The following PCDHA12 variants were observed in gnomAD, a reference collection of about 807,000 sequenced individuals.
PCDHA12 encodes protocadherin alpha 12.
PCDHA12 carries 44 observed loss-of-function variants against 60.0 expected under a neutral mutation model. The observed-to-expected ratio is 0.73, with a 90% CI of 0.58 to 0.94. PCDHA12 has a LOEUF of 0.94. PCDHA12 is among the 40% of genes least tolerant of loss of function. PCDHA12 has a pLI of 0.00. For missense variants in PCDHA12, 1,276 were observed against 1,239.7 expected, an observed-to-expected ratio of 1.03 and a Z score of -0.44; for synonymous variants, 569 against 553.0, an observed-to-expected ratio of 1.03 and a Z score of -0.40.
intron 1 of PCDHA12, among the ~76,000 whole-genome samples, chr5:140,941,284 TTCTCTTTC>T (rs1330714341): frequency 4.0e-5 from 5 of 124,574 alleles, no homozygotes; most frequent in African/African-American, 1.4e-4. Context: ...CTTCCTTCCT[TTCTCTTTC>T]TTTCTTTCTT....
At chr5:141,002,456 A>G (rs2098081347) in intron 3 of PCDHA12, among the ~76,000 whole-genome samples, 1 of 152,242 alleles carries the variant, frequency 6.6e-6, no homozygotes, top group Non-Finnish European at 1.5e-5. Context: ...GCACATTTGT[A>G]TAACGCTTTA....
chr5:140,875,616 C>A lies in PCDHA12; in HGVS notation c.144C>A (p.Ile48=), dbSNP rs2055654644. 2 of 1,613,748 alleles carry A rather than the reference C, an allele frequency of 1.2e-6. No homozygotes were observed. The highest frequency in any genetic ancestry group is 1.7e-5 in the Admixed American group (1 of 60,026). ...EAKHGTFVGR[I]AQDLGLELAE... is the part of the protein sequence containing the mutation. ...AACACGGCACCTTCGTGGGCCGCAT[C>A]GCTCAGGACCTGGGGCTGGAGCTGG... is the stretch of plus-strand genomic sequence containing the variant. The change falls in exon 1 of 4, where the codon ATC becomes ATA. Residue 48 remains isoleucine (I), a synonymous_variant. Transcript: ENST00000398631.
intron 1 of PCDHA12, among the ~76,000 whole-genome samples, chr5:140,913,656 T>A (rs2076420236): frequency 6.6e-6 from 1 of 152,152 alleles, no homozygotes; most frequent in African/African-American, 2.4e-5. Context: ...TTCTTTAAGA[T>A]GTATAGTTAG....
intron 3 of PCDHA12, among the ~76,000 whole-genome samples, chr5:140,997,793 T>G (rs2097785892): frequency 6.6e-6 from 1 of 152,112 alleles, no homozygotes; most frequent in Non-Finnish European, 1.5e-5. Context: ...ATATTATAAT[T>G]TATCCAATTT....
intron 1 of PCDHA12, chr5:140,927,348 C>T (rs2153588187): frequency 1.2e-6 from 2 of 1,613,982 alleles, no homozygotes; most frequent in South Asian, 1.1e-5. Flanking sequence ...AAGATGACGA[C>T]GAGGGAAGCA....
chr5:140,937,933 A>C (rs1452935525), intron 1 of PCDHA12, among the ~76,000 whole-genome samples: 1 of 151,854 alleles, frequency 6.6e-6, no homozygotes, highest in Non-Finnish European at 1.5e-5. Flanking sequence ...AAAAAGTTTA[A>C]TTTGATAATT....
chr5:140,891,694 T>A (rs1302084074), intron 1 of PCDHA12, among the ~76,000 whole-genome samples: 1 of 152,236 alleles, frequency 6.6e-6, no homozygotes, highest in East Asian at 1.9e-4. Flanking sequence ...TTCTTGCTGT[T>A]GTCTGAATTT....
chr5:140,983,308 T>C (rs2153831139), intron 3 of PCDHA12, among the ~76,000 whole-genome samples: 1 of 152,322 alleles, frequency 6.6e-6, no homozygotes, highest in East Asian at 1.9e-4. Context: ...CACATTTGCT[T>C]GGTATCCTTA....
intron 1 of PCDHA12, among the ~76,000 whole-genome samples, chr5:140,910,536 C>G (rs1554194300): frequency 1.3e-5 from 2 of 152,168 alleles, no homozygotes; most frequent in African/African-American, 4.8e-5. Flanking sequence ...CCTCACAAAT[C>G]TATTTTGCAA....
At chr5:140,967,086 G>C in intron 1 of PCDHA12, 3 of 1,613,210 alleles carry the variant, frequency 1.9e-6, no homozygotes, top group Non-Finnish European at 2.5e-6. Context: ...CGCATTGATC[G>C]GGAGGCGCTG....
At chr5:140,882,907 A>T (rs11744560) in intron 1 of PCDHA12, 226,049 of 1,614,134 alleles carry the variant, frequency 0.14, 16,618 homozygotes, top group Middle Eastern at 0.18. Context: ...TATTACTGAC[A>T]GCCAGTGATG....
intron 1 of PCDHA12, chr5:140,926,672 C>T (rs2083457109): frequency 1.7e-6 from 1 of 583,596 alleles, no homozygotes; most frequent in Admixed American, 3.9e-5. Flanking sequence ...GACGGCTGCC[C>T]AGCCTCCAGC....
At chr5:140,968,106 C>T (rs1554230344) in intron 1 of PCDHA12, 8 of 1,614,016 alleles carry the variant, frequency 5.0e-6, no homozygotes, top group East Asian at 2.2e-5. Flanking sequence ...GGGGGAATAC[C>T]GCAGCTCACA....
intron 1 of PCDHA12, among the ~76,000 whole-genome samples, chr5:140,907,844 C>T (rs1402744978): frequency 1.3e-5 from 2 of 152,218 alleles, no homozygotes; most frequent in African/African-American, 4.8e-5. Context: ...TATTAAAATC[C>T]TCCTCTGCTG....
chr5:140,875,401 G>T lies in PCDHA12; in HGVS notation c.-72G>T. 1 of 1,487,486 alleles carries T rather than the reference G, an allele frequency of 6.7e-7. No homozygotes were observed. Among genetic ancestry groups the T allele is most frequent in the Non-Finnish European group, 8.9e-7 (1 of 1,120,296 alleles). The allele number at this position is 1,487,486 out of a possible 1,614,324, so 92.1% of individuals were successfully genotyped here. The stretch of plus-strand genomic sequence containing the variant: ...TATGTACTTACAGAAAAGGGTGACT[G>T]CTCATAAAATACCTCAGGCAAGCGA... On this transcript the variant is annotated 5_prime_UTR_variant, in exon 1 of 4. Transcript: ENST00000398631.
intron 1 of PCDHA12, chr5:140,968,340 A>G: frequency 6.2e-7 from 1 of 1,614,136 alleles, no homozygotes; most frequent in African/African-American, 1.3e-5. Context: ...GTCTCCATTA[A>G]CAGTGCCAGT....
chr5:141,008,579 T>C (rs1554261820), intron 3 of PCDHA12, among the ~76,000 whole-genome samples: 1 of 152,232 alleles, frequency 6.6e-6, no homozygotes, highest in African/African-American at 2.4e-5. Flanking sequence ...TTCCCAAGAC[T>C]CAGGGCAGAT....
rs144442346 is a variant in PCDHA12 at position 140,929,817 on chromosome 5, G to A, written c.2368-49132G>A. 1,292 of 158,464 alleles carry A rather than the reference G, an allele frequency of 8.2e-3. 7 individuals are homozygous for A. Among genetic ancestry groups the A allele is most frequent in the African/African-American group, 0.019 (796 of 41,644 alleles). 9.8% of individuals were successfully genotyped at this position (158,464 alleles called of 1,614,324 possible). On this transcript the variant is annotated intron_variant, in intron 1 of 3. Coordinates refer to ENST00000398631, the MANE Select transcript of PCDHA12 (RefSeq NM_018903.4). The stretch of plus-strand genomic sequence containing the variant: ...ATGGGGGTTAAAAGAAGGGAGAAAG[G>A]GAACATAAGAGAACATTTGAGTGAG...
intron 2 of PCDHA12, 118 bp downstream of exon 2, chr5:140,979,125 C>A (rs782380399): frequency 8.7e-5 from 128 of 1,479,726 alleles, no homozygotes; most frequent in Non-Finnish European, 1.0e-4. Flanking sequence ...GGTACTTTGC[C>A]AGGAAAATGC....
Sources: allele counts gnomAD v4.1 joint callset (sites outside exome capture counted in the v4.1 genomes callset), GRCh38; gene constraint gnomAD v4.1.1; transcripts MANE v1.5; gene names NCBI Gene and HGNC (gene_info 2026-07-23, HGNC 2026-07-21).